The following ABLIM2 variants were observed in gnomAD, a reference collection of about 807,000 sequenced individuals.
The protein encoded by ABLIM2 is actin binding LIM protein family member 2.
A neutral mutation model predicts 97.7 loss-of-function variants in ABLIM2; 53 were observed. That is an observed-to-expected ratio of 0.54 (90% CI 0.44 to 0.68). The LOEUF (loss-of-function observed/expected upper bound fraction) is 0.68, where lower values mean the gene tolerates loss of function less well. Ranked by LOEUF, ABLIM2 falls within the 30% of genes least tolerant of loss-of-function variation. The pLI is 0.00. For missense variants in ABLIM2, 835 were observed against 867.2 expected (o/e 0.96, Z 0.47); for synonymous variants, 361 against 345.8 (o/e 1.04, Z -0.49).
Position 8,054,324 on chromosome 4 carries a change from G to A in ABLIM2, c.764-78C>T. The stretch of plus-strand genomic sequence containing the variant: ...GGGGCCTGTGTGGAAACGCAGAGGA[G>A]GGAGCTGGTCCATGCACAGACGTGC... On this transcript the variant is annotated intron_variant, in intron 7 of 20. Coordinates refer to ENST00000447017, the MANE Select transcript of ABLIM2 (RefSeq NM_001130083.2). This position sits in a 1 kb window ranked among gnomAD's most constrained non-coding sequence, Gnocchi z 4.9. 2 of 1,497,048 alleles carry A rather than the reference G, an allele frequency of 1.3e-6. No individual in the cohort carries two copies. The highest frequency in any genetic ancestry group is 1.9e-6 in the Non-Finnish European group (2 of 1,081,016). 92.7% of individuals were successfully genotyped at this position (1,497,048 alleles called of 1,614,324 possible).
intron 1 of ABLIM2, among the ~76,000 whole-genome samples, chr4:8,139,612 C>T (rs772000248): frequency 1.9e-4 from 29 of 152,116 alleles, no homozygotes; most frequent in Non-Finnish European, 3.8e-4. Flanking sequence ...CAAATGCTTG[C>T]GAGGCTGTGG....
chr4:8,007,819 T>C, intron 16 of ABLIM2: 1 of 1,321,718 alleles, frequency 7.6e-7, no homozygotes, highest in South Asian at 2.2e-5. Context: ...TGGAAATCTG[T>C]GAGGGGACAT....
At chr4:8,031,689 G>T (rs1203768374) in intron 10 of ABLIM2, among the ~76,000 whole-genome samples, 1 of 151,932 alleles carries the variant, frequency 6.6e-6, no homozygotes, top group African/African-American at 2.4e-5. Flanking sequence ...CACAGAACTT[G>T]CCTCTGGGTG....
intron 2 of ABLIM2, among the ~76,000 whole-genome samples, chr4:8,101,202 C>T (rs544908066): frequency 3.9e-5 from 6 of 152,314 alleles, no homozygotes; most frequent in Admixed American, 1.3e-4. Context: ...CAGGGCTGGC[C>T]GGGCATCGCA....
chr4:7,987,185 C>T (rs1744907265), intron 17 of ABLIM2, among the ~76,000 whole-genome samples: 1 of 151,944 alleles, frequency 6.6e-6, no homozygotes, highest in Non-Finnish European at 1.5e-5. Flanking sequence ...CCTTGGTTGC[C>T]CTGGCTGGTC....
chr4:8,156,709 C>T (rs1242045161), intron 1 of ABLIM2, among the ~76,000 whole-genome samples: 1 of 152,240 alleles, frequency 6.6e-6, no homozygotes, highest in Non-Finnish European at 1.5e-5. Context: ...GGAATAATGC[C>T]AGCGGGTGTG....
At position 8,088,228 on chromosome 4, in the gene ABLIM2, T is replaced by C. The variant is rs371852350; in HGVS notation, c.395A>G (p.Gln132Arg). The C allele has an allele frequency of 2.5e-6, 4 of 1,612,222 alleles. No individual in the cohort carries two copies. Among genetic ancestry groups the C allele is most frequent in the South Asian group, 1.1e-5 (1 of 90,946 alleles). ...VTFNGKECMC[Q>R]KCSLPVSVGS... The stretch of plus-strand genomic sequence containing the variant: ...CACCGATACGGGCAGGGAACACTTC[T>C]GGCACATGCATTCCTTCCCGTTGAA... Residue 132 changes from glutamine (Q) to arginine (R), a missense_variant, in exon 4 of 21, where the codon CAG (glutamine) becomes CGG (arginine). Transcript: ENST00000447017.
In ABLIM2 at chr4:8,071,965, C is replaced by T. The variant is rs891783578; in HGVS notation, c.675+5663G>A. On this transcript the variant is annotated intron_variant, in intron 6 of 20. Transcript: ENST00000447017. The surrounding 1 kb of genome is among the most constrained non-coding windows in gnomAD (Gnocchi z 6.2). ...GGCCGAGCATCAGGCAGTGCCACCG[C>T]GGCGGCGGCAGCTCCCCTTCTGCGG... The T allele has an allele frequency of 3.0e-5, 30 of 985,556 alleles. No individual in the cohort carries two copies. In the South Asian group the frequency reaches 4.2e-4, roughly 14 times the overall value. 61.1% of individuals were successfully genotyped at this position (985,556 alleles called of 1,614,324 possible).
Position 8,140,611 on chromosome 4 carries a change from C to T in ABLIM2, c.10+18069G>A, listed in dbSNP as rs985581649. On this transcript the variant is annotated intron_variant, in intron 1 of 20. Coordinates refer to ENST00000447017, the MANE Select transcript of ABLIM2 (RefSeq NM_001130083.2). The surrounding 1 kb of genome is among the most constrained non-coding windows in gnomAD (Gnocchi z 5.9). ...GCGCATTCTGTCTGTGATACCGTTA[C>T]TCCCATGGCCACTGCTACTGATGAT... 6.6e-6 allele frequency among the ~76,000 whole-genome samples: 1 copy of T among 152,176 alleles called. No individual in the cohort carries two copies. Among genetic ancestry groups the T allele is most frequent in the Non-Finnish European group, 1.5e-5 (1 of 68,032 alleles).
rs1290385346 is a variant in ABLIM2, at chr4:8,069,142, C to A, written c.676-8088G>T. ...GGCCCCACTGCCTCTTCCTCTCTACCCAGCTCCCGTTAAGGCGTGAGCCTC... is the reference window on the plus strand; with the variant it reads ...GGCCCCACTGCCTCTTCCTCTCTACACAGCTCCCGTTAAGGCGTGAGCCTC... On this transcript the variant is annotated intron_variant, in intron 6 of 20. Transcript: ENST00000447017. This position sits in a 1 kb window ranked among gnomAD's most constrained non-coding sequence, Gnocchi z 4.2. 1.3e-5 allele frequency among the ~76,000 whole-genome samples: 2 copies of A among 152,382 alleles called. No individual in the cohort carries two copies. The highest frequency in any genetic ancestry group is 1.3e-4 in the Admixed American group (2 of 15,312).
chr4:8,116,736 G>A (rs1278494347), intron 1 of ABLIM2, among the ~76,000 whole-genome samples: 1 of 152,196 alleles, frequency 6.6e-6, no homozygotes, highest in African/African-American at 2.4e-5. Flanking sequence ...AGTTCATTGA[G>A]AAAGGGGTCT....
At chr4:7,995,487 T>C (rs1194804863) in intron 16 of ABLIM2, among the ~76,000 whole-genome samples, 1 of 152,224 alleles carries the variant, frequency 6.6e-6, no homozygotes, top group African/African-American at 2.4e-5. Context: ...ACCTCACTTC[T>C]GAGCAAAAGA....
Position 8,130,881 on chromosome 4 carries a change from C to A in ABLIM2, c.11-24244G>T, listed in dbSNP as rs371592485. On this transcript the variant is annotated intron_variant, in intron 1 of 20. Coordinates refer to ENST00000447017, the MANE Select transcript of ABLIM2 (RefSeq NM_001130083.2). This position sits in a 1 kb window ranked among gnomAD's most constrained non-coding sequence, Gnocchi z 4.2. Reference sequence around the variant, plus strand: ...TCCTTGCCTTGCCTGGCTGCTGGGGCGGCCTGCATTTCCTGACTTGTGGAC... The same window carrying A: ...TCCTTGCCTTGCCTGGCTGCTGGGGAGGCCTGCATTTCCTGACTTGTGGAC... Among the ~76,000 whole-genome samples the A allele has an allele frequency of 2.6e-5, 4 of 152,170 alleles. No homozygotes were observed. The highest frequency in any genetic ancestry group is 4.4e-5 in the Non-Finnish European group (3 of 68,018).
chr4:7,980,524 G>A (rs187224498), intron 20 of ABLIM2, among the ~76,000 whole-genome samples: 15 of 152,204 alleles, frequency 9.9e-5, no homozygotes, highest in African/African-American at 3.4e-4. Flanking sequence ...AGAACAGCCT[G>A]GCCAACGTGG....
chr4:8,105,071 C>T (rs963794322), intron 2 of ABLIM2, among the ~76,000 whole-genome samples: 3 of 152,180 alleles, frequency 2.0e-5, no homozygotes, highest in Non-Finnish European at 4.4e-5. Flanking sequence ...GCAAGCTCCT[C>T]GCGCTTCCAG....
chr4:8,045,299 G>A, intron 8 of ABLIM2, 58 bp from the exon 9 acceptor site: 3 of 1,474,232 alleles, frequency 2.0e-6, no homozygotes, highest in Admixed American at 1.7e-5. Flanking sequence ...GGCCTTCAGA[G>A]GCGACTGTCA....
At position 8,092,739 on chromosome 4, in the gene ABLIM2, G is replaced by A. The variant is rs754876528; in HGVS notation, c.338+4360C>T. Among the ~76,000 whole-genome samples the A allele has an allele frequency of 1.4e-4, 21 of 152,226 alleles. 1 individual carries two copies. Among genetic ancestry groups the A allele is most frequent in the African/African-American group, 2.6e-4 (11 of 41,524 alleles). On this transcript the variant is annotated intron_variant, in intron 3 of 20. Coordinates refer to ENST00000447017, the MANE Select transcript of ABLIM2 (RefSeq NM_001130083.2). ...GCTCACAAGTGCTCCTGCGGCTTGC[G>A]TTTGACCCCAGGCACATCCTCAACC...
chr4:8,105,391 C>T (rs754383905), intron 2 of ABLIM2, among the ~76,000 whole-genome samples: 1 of 152,224 alleles, frequency 6.6e-6, no homozygotes, highest in African/African-American at 2.4e-5. Context: ...CTAAAGCTTG[C>T]GCCTTCCTGG....
intron 8 of ABLIM2, among the ~76,000 whole-genome samples, chr4:8,047,343 C>T (rs1034865120): frequency 2.0e-5 from 3 of 150,630 alleles, no homozygotes; most frequent in African/African-American, 4.9e-5. Flanking sequence ...TGGCAACTGC[C>T]GCTGCCACCG....
Sources: allele counts gnomAD v4.1 joint callset (sites outside exome capture counted in the v4.1 genomes callset), GRCh38; gene constraint gnomAD v4.1.1; non-coding constraint Gnocchi (gnomAD v3.1); transcripts MANE v1.5; gene names NCBI Gene and HGNC (gene_info 2026-07-23, HGNC 2026-07-21).